Variants in IL1B observed in about 807,000 individuals in gnomAD.
IL1B encodes interleukin 1 beta, also known as interleukin-1 beta.
Under a neutral mutation model 26.2 loss-of-function variants are expected in IL1B, and 11 were observed. The observed-to-expected ratio is 0.42, with a 90% CI of 0.26 to 0.70. The LOEUF is 0.70. Among genes scored for constraint, IL1B ranks in the 30% least tolerant of loss-of-function variants. The pLI is 0.25. For synonymous variants in IL1B, 118 were observed against 120.8 expected (o/e 0.98, Z 0.15); for missense variants, 255 against 327.5 (o/e 0.78, Z 1.71).
intron 2 of IL1B, 24 bp from the exon 3 acceptor site, chr2:112,835,641 C>T (rs750191937): frequency 1.3e-6 from 2 of 1,594,862 alleles, no homozygotes; most frequent in Non-Finnish European, 1.7e-6. Flanking sequence ...AGGGACATGT[C>T]TCAATTATGT....
chr2:112,832,862 T>C (rs754411018), intron 4 of IL1B, 36 bp from the exon 5 acceptor site: 2 of 1,612,590 alleles, frequency 1.2e-6, no homozygotes, highest in Admixed American at 1.7e-5. Flanking sequence ...AGGTATAAAA[T>C]CAGAAGGGCA....
intron 3 of IL1B, chr2:112,835,084 T>C (rs140749280): frequency 5.3e-6 from 1 of 188,168 alleles, no homozygotes; most frequent in African/African-American, 2.3e-5. Context: ...ATGGTTTTCT[T>C]TCAAGTCTCA....
At chr2:112,836,613 A>AAGAG (rs3917347) in intron 1 of IL1B, 95 bp downstream of exon 1, 2 of 284,816 alleles carry the variant, frequency 7.0e-6, no homozygotes, top group East Asian at 8.5e-5. Flanking sequence ...CAGAGAAAGA[A>AAGAG]AGAGAGAGAG....
At chr2:112,831,526 G>A in intron 5 of IL1B, 104 bp from the exon 6 acceptor site, 1 of 1,326,580 alleles carries the variant, frequency 7.5e-7, no homozygotes, top group South Asian at 1.2e-5. Context: ...AGCCTCTGTG[G>A]GAACCCACAG....
At position 112,830,371 on chromosome 2, in the gene IL1B, A is replaced by G; in HGVS notation, c.800T>C (p.Val267Ala). The change falls in exon 7 of 7, where the codon GTG becomes GCG. Residue 267 changes from valine to alanine, a missense_variant. Val to Ala is a moderately conservative substitution (Grantham distance 64). Transcript: ENST00000263341. ...TGGGTACAGCTCTCTTTAGGAAGAC[A>G]CAAATTGCATGGTGAAGTCAGTTAT... ...QDITDFTMQF[V>A]SS 1 of 1,613,974 alleles carries G rather than the reference A, an allele frequency of 6.2e-7. No homozygotes were observed. Among genetic ancestry groups the G allele is most frequent in the East Asian group, 2.2e-5 (1 of 44,884 alleles).
At chr2:112,835,903 A>T (rs988678734) in intron 2 of IL1B, among the ~76,000 whole-genome samples, 2 of 152,180 alleles carry the variant, frequency 1.3e-5, no homozygotes, top group African/African-American at 4.8e-5. Flanking sequence ...CCTCCAAGCC[A>T]CACTTTGCAA....
rs374217372 is a variant in IL1B, at chr2:112,834,261, G to A, written c.100-686C>T. ...TATATCTTTTTGTATCCCTAATGCT[G>A]TCACACTATGATTTGCTTTTTCATG... On this transcript the variant is annotated intron_variant, in intron 3 of 6. Transcript: ENST00000263341. 2.0e-4 allele frequency among the ~76,000 whole-genome samples: 31 copies of A among 152,198 alleles called. No individual in the cohort carries two copies. The East Asian group carries it at 2.9e-3, about 14-fold the overall frequency.
At chr2:112,833,622 G>T in intron 3 of IL1B, 47 bp from the exon 4 acceptor site, 1 of 1,547,532 alleles carries the variant, frequency 6.5e-7, no homozygotes, top group South Asian at 1.1e-5. Flanking sequence ...GTCCTGCCAG[G>T]AACCATGCTT....
chr2:112,834,612 C>A (rs899678068), intron 3 of IL1B, among the ~76,000 whole-genome samples: 7 of 152,238 alleles, frequency 4.6e-5, no homozygotes, highest in Non-Finnish European at 1.0e-4. Context: ...GCAATGGGGG[C>A]AAAGGCCAGG....
At position 112,832,718 on chromosome 2, in the gene IL1B, G is replaced by C; in HGVS notation, c.410C>G (p.Ser137Cys). The change falls in exon 5 of 7, where the codon TCT becomes TGT. Residue 137 changes from serine (S) to cysteine (C), a missense_variant. By Grantham distance (112) the Ser-to-Cys change is moderately radical. Transcript: ENST00000263341. ...RDSQQKSLVM[S>C]GPYELKALHL... ...GAGAGCTTTCAGTTCATATGGACCA[G>C]ACATCACCAAGCTTTTTTGCTGTGA... 2 of 1,614,180 alleles carry C rather than the reference G, an allele frequency of 1.2e-6. No homozygotes were observed. Among genetic ancestry groups the C allele is most frequent in the Non-Finnish European group, 1.7e-6 (2 of 1,180,036 alleles).
intron 2 of IL1B, 151 bp downstream of exon 2, chr2:112,836,032 G>T: frequency 1.4e-6 from 1 of 709,886 alleles, no homozygotes; most frequent in Non-Finnish European, 2.5e-6. Context: ...CTTGTAATGG[G>T]AAAGTAGTCT....
chr2:112,836,380 C>G, intron 1 of IL1B, 136 bp from the exon 2 acceptor site: 5 of 707,492 alleles, frequency 7.1e-6, no homozygotes, highest in Non-Finnish European at 1.3e-5. Flanking sequence ...AAAGAGAAGT[C>G]CTTTGGGTCT....
rs200223008 is a variant in IL1B, at chr2:112,835,573, T to A, written c.92A>T (p.Gln31Leu). 4 of 1,613,402 alleles carry A rather than the reference T, an allele frequency of 2.5e-6. No individual in the cohort carries two copies. The African/African-American group carries it at 5.3e-5, about 21-fold the overall frequency. ...TTAAACCCATAGTCTTACCTTCATC[T>A]GTTTAGGGCCATCAGCTTCAAAGAA... is the stretch of plus-strand genomic sequence containing the variant. ...DLFFEADGPK[Q>L]MKCSFQDLDL... Residue 31 changes from glutamine (Q) to leucine (L), a missense_variant, in exon 3 of 7, where the codon CAG (glutamine) becomes CTG (leucine). Coordinates refer to ENST00000263341, the MANE Select transcript of IL1B (RefSeq NM_000576.3).
Position 112,833,562 on chromosome 2 carries a change from T to TA in IL1B, c.112_113insT (p.Asp38ValfsTer52). The TA allele has an allele frequency of 6.2e-7, 1 of 1,613,892 alleles. No homozygotes were observed. The highest frequency in any genetic ancestry group is 2.2e-5 in the East Asian group (1 of 44,874). On this transcript the variant is annotated frameshift_variant, in exon 4 of 7. Transcript: ENST00000263341. LOFTEE classifies it high-confidence loss of function. ...GCCATCCAGAGGGCAGAGGTCCAGG[T>TA]CCTGGAAGGAGCACTGCGGAGAGAG...
intron 5 of IL1B, 60 bp from the exon 6 acceptor site, chr2:112,831,482 C>A: frequency 1.3e-6 from 2 of 1,598,472 alleles, no homozygotes; most frequent in South Asian, 2.2e-5. Context: ...ACCCCAACCC[C>A]TAGGCCCCAT....
rs767816421 is a variant in IL1B, at chr2:112,832,822, A to C, written c.306T>G (p.Pro102=). 11 of 1,614,058 alleles carry C rather than the reference A, an allele frequency of 6.8e-6. No homozygotes were observed. In the Admixed American group the frequency reaches 1.8e-4, roughly 27 times the overall value. Residue 102 remains proline (P), a synonymous_variant, in exon 5 of 7, where the codon CCT becomes CCG. Transcript: ENST00000263341. ...TFFPFIFEEE[P]IFFDTWDNEA... ...CGTTATCCCATGTGTCGAAGAAGAT[A>C]GGTTCTGAAATGTGGAGCACATGTT... is the stretch of plus-strand genomic sequence containing the variant.
At chr2:112,835,117 T>C in intron 3 of IL1B, 1 of 229,256 alleles carries the variant, frequency 4.4e-6, no homozygotes, top group Non-Finnish European at 8.8e-6. Context: ...GTTTATATCA[T>C]CTATGTCTTG....
Position 112,833,597 on chromosome 2 carries a change from G to C in IL1B, c.100-22C>G, listed in dbSNP as rs201166180. On this transcript the variant is annotated intron_variant, in intron 3 of 6. Coordinates refer to ENST00000263341, the MANE Select transcript of IL1B (RefSeq NM_000576.3). ...AGCACTGCGGAGAGAGCGAGGGAGG[G>C]AGCCTGGTGAGGTGGTCCTGCCAGG... The C allele has an allele frequency of 3.6e-4, 583 of 1,609,990 alleles. 1 individual carries two copies. The highest frequency in any genetic ancestry group is 2.8e-4 in the Non-Finnish European group (329 of 1,176,938).
chr2:112,835,877 C>A (rs986453740), intron 2 of IL1B, among the ~76,000 whole-genome samples: 1 of 152,218 alleles, frequency 6.6e-6, no homozygotes, highest in African/African-American at 2.4e-5. Context: ...CAGCTAAAAT[C>A]TGAGCTCTCC....
Sources: allele counts gnomAD v4.1 joint callset (sites outside exome capture counted in the v4.1 genomes callset), GRCh38; gene constraint gnomAD v4.1.1; transcripts MANE v1.5; gene names NCBI Gene and HGNC (gene_info 2026-07-23, HGNC 2026-07-21).